CEP192: variants seen among roughly 807,000 people sequenced by gnomAD.
The protein encoded by CEP192 is centrosomal protein of 192 kDa.
In CEP192, 151 loss-of-function variants were observed where a neutral mutation model predicts 271.8. The observed-to-expected ratio is 0.56, with a 90% CI of 0.49 to 0.64. CEP192 has a LOEUF of 0.64. Among genes scored for constraint, CEP192 ranks in the 30% least tolerant of loss-of-function variants. The probability of loss-of-function intolerance (pLI) is 0.00; values close to 1 mark genes in which losing one functional copy is unlikely to be tolerated. For missense variants in CEP192, 2,910 were observed against 3,020.5 expected, an observed-to-expected ratio of 0.96 and a Z score of 0.86; for synonymous variants, 995 against 1,076.5, an observed-to-expected ratio of 0.92 and a Z score of 1.48.
chr18:13,055,655 C>A, intron 18 of CEP192, 125 bp from the exon 19 acceptor site: 1 of 621,656 alleles, frequency 1.6e-6, no homozygotes, highest in Non-Finnish European at 2.7e-6. Flanking sequence ...TTTGTGTAAA[C>A]CAATTTTTTT....
chr18:13,030,819 A>T (rs947339781), intron 11 of CEP192, among the ~76,000 whole-genome samples: 1 of 152,192 alleles, frequency 6.6e-6, no homozygotes, highest in African/African-American at 2.4e-5. Context: ...AAGCAAAGCC[A>T]ATGAGTGAGA....
chr18:13,056,889 T>C (rs1366656269), intron 19 of CEP192, among the ~76,000 whole-genome samples, 191 bp downstream of exon 19: 4 of 152,240 alleles, frequency 2.6e-5, no homozygotes, highest in Non-Finnish European at 5.9e-5. Flanking sequence ...GCTACACTTA[T>C]GCAGGTGACA....
chr18:13,097,649 ATT>A lies in CEP192; in HGVS notation c.6557+1355_6557+1356del, dbSNP rs1168883540. Among the ~76,000 whole-genome samples, 18 of 107,874 alleles carry A rather than the reference ATT, an allele frequency of 1.7e-4. No individual in the cohort carries two copies. The South Asian group carries it at 2.9e-3, about 17-fold the overall frequency. The allele number at this position is 107,874 out of a possible 152,430, so 70.8% of individuals were successfully genotyped here. A position where few individuals can be genotyped will look rare whatever the true frequency, so the allele number is the denominator to read the frequency against. The stretch of plus-strand genomic sequence containing the variant: ...TTTCTTTTTTTTTTTTTTAACTATT[ATT>A]TTTTTTTTTTTTATTGATCATTCTT... On this transcript the variant is annotated intron_variant, in intron 36 of 44. Transcript: ENST00000506447.
chr18:13,001,296 G>A (rs2033627186), intron 2 of CEP192, among the ~76,000 whole-genome samples, 161 bp from the exon 3 acceptor site: 1 of 152,200 alleles, frequency 6.6e-6, no homozygotes, highest in Admixed American at 6.5e-5. Context: ...CCAAGCCACA[G>A]GTTTCCGTGC....
At chr18:13,028,771 C>G (rs558977350) in intron 9 of CEP192, among the ~76,000 whole-genome samples, 21 of 152,286 alleles carry the variant, frequency 1.4e-4, no homozygotes, top group Admixed American at 1.0e-3. Flanking sequence ...CCGTCCGCCT[C>G]GGCCTCCCAA....
chr18:13,047,105 G>A (rs528780326), intron 15 of CEP192, among the ~76,000 whole-genome samples: 3 of 152,222 alleles, frequency 2.0e-5, no homozygotes, highest in South Asian at 4.1e-4. Context: ...AGGAAAAATC[G>A]TTGAAATAAT....
At chr18:13,012,042 G>T (rs2034390531) in intron 4 of CEP192, among the ~76,000 whole-genome samples, 1 of 152,222 alleles carries the variant, frequency 6.6e-6, no homozygotes, top group Non-Finnish European at 1.5e-5. Flanking sequence ...AGAGAAGAAA[G>T]ACACAGAAGG....
At chr18:13,080,181 C>T (rs60945352) in intron 30 of CEP192, among the ~76,000 whole-genome samples, 20,772 of 152,014 alleles carry the variant, frequency 0.14, 1,559 homozygotes, top group East Asian at 0.31. Context: ...AAGAAAGTCA[C>T]TGGTAGCTTG....
chr18:13,025,019 G>A (rs1489049647), intron 9 of CEP192, among the ~76,000 whole-genome samples: 2 of 151,994 alleles, frequency 1.3e-5, no homozygotes, highest in African/African-American at 2.4e-5. Context: ...TGATCCACCC[G>A]CCTTGGCCTC....
At chr18:13,020,663 A>C (rs1209129779) in intron 9 of CEP192, among the ~76,000 whole-genome samples, 1 of 152,178 alleles carries the variant, frequency 6.6e-6, no homozygotes, top group African/African-American at 2.4e-5. Flanking sequence ...AGTGTTTTTC[A>C]CAGCAGCTGC....
At chr18:13,122,693 G>A (rs1349056730) in intron 44 of CEP192, among the ~76,000 whole-genome samples, 1 of 152,178 alleles carries the variant, frequency 6.6e-6, no homozygotes, top group Non-Finnish European at 1.5e-5. Flanking sequence ...GGCTGAGTGT[G>A]CACAGCCTGA....
At chr18:13,005,010 G>C (rs7240787) in intron 3 of CEP192, among the ~76,000 whole-genome samples, 25 of 152,254 alleles carry the variant, frequency 1.6e-4, no homozygotes, top group African/African-American at 6.0e-4. Context: ...GGTGGGGTTA[G>C]CATCATATAG....
At position 13,030,454 on chromosome 18, in the gene CEP192, T is replaced by G. The variant is rs755085825; in HGVS notation, c.1391-11T>G. 6.5e-7 allele frequency: 1 copy of G among 1,544,246 alleles called. No homozygotes were observed. The highest frequency in any genetic ancestry group is 1.2e-5 in the South Asian group (1 of 83,006). On this transcript the variant is annotated splice_polypyrimidine_tract_variant and intron_variant, in intron 10 of 44. Coordinates refer to ENST00000506447, the MANE Select transcript of CEP192 (RefSeq NM_032142.4). ...TGTGTCATTTGATATTTTGGGAATT[T>G]TATTTTTTAGAAACAGATCTCCCAC...
In CEP192 at chr18:12,993,190, G is replaced by C. The variant is rs188681539; in HGVS notation, c.-5+1753G>C. 1.0e-3 allele frequency among the ~76,000 whole-genome samples: 159 copies of C among 152,290 alleles called. 3 individuals carry two copies. In the South Asian group the frequency reaches 0.02, roughly 19 times the overall value. ...AGCAGGAGGGATCAGGATGGTCCTA[G>C]GTGTCAGGCTTGTATTGCCAGTTAA... On this transcript the variant is annotated intron_variant, in intron 1 of 44. Coordinates refer to ENST00000506447, the MANE Select transcript of CEP192 (RefSeq NM_032142.4).
At position 13,030,597 on chromosome 18, in the gene CEP192, T is replaced by G; in HGVS notation, c.1523T>G (p.Phe508Cys). Residue 508 changes from phenylalanine to cysteine, a missense_variant, in exon 11 of 45, where the codon TTC becomes TGC. Physicochemically the swap from Phe to Cys is radical, Grantham distance 205. Coordinates refer to ENST00000506447, the MANE Select transcript of CEP192 (RefSeq NM_032142.4). ...VSLSDEMNED[F>C]RSGSEAFDLI... is the part of the protein sequence containing the mutation. ...CTAAGTGATGAGATGAATGAAGACT[T>G]CAGATCTGGTTGTAAGTATATGGAT... is the stretch of plus-strand genomic sequence containing the variant. The G allele has an allele frequency of 6.2e-7, 1 of 1,606,982 alleles. No homozygotes were observed. Among genetic ancestry groups the G allele is most frequent in the Non-Finnish European group, 8.5e-7 (1 of 1,174,844 alleles).
intron 44 of CEP192, among the ~76,000 whole-genome samples, chr18:13,123,206 C>T (rs2040753800): frequency 6.6e-6 from 1 of 152,034 alleles, no homozygotes; most frequent in Non-Finnish European, 1.5e-5. Flanking sequence ...TATTGACCAC[C>T]AACATGCAAG....
rs539222120 is a variant in CEP192 at position 13,046,655 on chromosome 18, T to A, written c.2068-2204T>A. Reference sequence around the variant, plus strand: ...ATTCTTTGTTTTCTTTTAAATGTCTTATTTGGCATTCCAAGGATCACAAAA... The same window carrying A: ...ATTCTTTGTTTTCTTTTAAATGTCTAATTTGGCATTCCAAGGATCACAAAA... On this transcript the variant is annotated intron_variant, in intron 15 of 44. Transcript: ENST00000506447. 9.1e-4 allele frequency among the ~76,000 whole-genome samples: 139 copies of A among 152,126 alleles called. 2 individuals carry two copies. In the South Asian group the frequency reaches 0.026, roughly 29 times the overall value.
intron 33 of CEP192, among the ~76,000 whole-genome samples, chr18:13,090,537 A>T (rs1374934023): frequency 6.6e-6 from 1 of 152,150 alleles, no homozygotes; most frequent in Admixed American, 6.6e-5. Context: ...ATATGAAGTG[A>T]TGAAAGGATA....
In CEP192 at chr18:13,087,084, G is replaced by C; in HGVS notation, c.5684G>C (p.Ser1895Thr). The C allele has an allele frequency of 5.0e-6, 8 of 1,613,466 alleles. No individual in the cohort carries two copies. The highest frequency in any genetic ancestry group is 4.0e-5 in the African/African-American group (3 of 75,040). ...GAAGGCGTTAAAAAATTATCTGACA[G>C]TTACATGGTAACAGTGAATGGCTTA... ...ILEGVKKLSD[S>T]YMVTVNGLVP... The change falls in exon 31 of 45, where the codon AGT becomes ACT. Residue 1895 changes from serine (S) to threonine (T), a missense_variant. By Grantham distance (58) the Ser-to-Thr change is moderately conservative. Coordinates refer to ENST00000506447, the MANE Select transcript of CEP192 (RefSeq NM_032142.4).
Sources: gnomAD v4.1 joint callset for allele counts (sites outside exome capture counted in the v4.1 genomes callset) on GRCh38, gnomAD v4.1.1 for gene constraint, MANE v1.5 for transcripts, NCBI Gene and HGNC (gene_info 2026-07-23, HGNC 2026-07-21) for gene names.